The following HERC6 variants were observed in gnomAD, a reference collection of about 807,000 sequenced individuals.
HERC6 encodes the protein HECT and RLD domain containing E3 ubiquitin protein ligase family member 6.
In HERC6, 101 loss-of-function variants were observed where a neutral mutation model predicts 114.5. The ratio of observed to expected loss-of-function variants is 0.88; its 90% CI spans 0.75 to 1.04. HERC6 has a LOEUF of 1.04. HERC6 is among the 50% of genes least tolerant of loss of function. The pLI is 0.00. For missense variants in HERC6, 1,133 were observed against 1,230.9 expected (o/e 0.92, Z 1.19); for synonymous variants, 408 against 436.2 (o/e 0.94, Z 0.81).
chr4:88,408,375 T>C, intron 10 of HERC6, 149 bp from the exon 11 acceptor site: 1 of 662,390 alleles, frequency 1.5e-6, no homozygotes. Context: ...ACATTTTTTA[T>C]GTCAAGTAAG....
intron 8 of HERC6, among the ~76,000 whole-genome samples, chr4:88,402,133 T>C (rs1287717027): frequency 1.3e-5 from 2 of 152,204 alleles, no homozygotes; most frequent in South Asian, 2.1e-4. Flanking sequence ...CAAAAGAATC[T>C]TGGACTGCAG....
At chr4:88,379,685 C>CAAATATATATAATATAT (rs1560527772) in intron 1 of HERC6, among the ~76,000 whole-genome samples, 2 of 24,330 alleles carry the variant, frequency 8.2e-5, no homozygotes, top group African/African-American at 6.6e-4. Context: ...TAAATATATA[C>CAAATATATATAATATAT]AAATATATAA....
chr4:88,407,426 G>A (rs551691033), intron 10 of HERC6, among the ~76,000 whole-genome samples: 28 of 152,044 alleles, frequency 1.8e-4, no homozygotes, highest in African/African-American at 6.5e-4. Flanking sequence ...TTAGAGATGG[G>A]GTCTTGTGCT....
chr4:88,410,307 G>A (rs1197971671), intron 11 of HERC6, among the ~76,000 whole-genome samples: 2 of 152,156 alleles, frequency 1.3e-5, no homozygotes, highest in African/African-American at 2.4e-5. Flanking sequence ...TTAGGTAGAT[G>A]AGAGAAAAAT....
In HERC6 at chr4:88,440,193, C is replaced by G; in HGVS notation, c.2785C>G (p.Gln929Glu). The change falls in exon 22 of 23, where the codon CAG becomes GAG. Residue 929 changes from glutamine to glutamate, a missense_variant. Physicochemically the swap from Gln to Glu is conservative, Grantham distance 29. Around this residue, in one of 3 missense-constraint regions of HERC6, gnomAD observed 388 missense variants for 445.9 expected, o/e 0.87. Transcript: ENST00000264346. ...ATACCAAAAATCACATCCTACTATACAGTTGTTTTGGAAGGCTTTCCACAA... is the reference window on the plus strand; with the variant it reads ...ATACCAAAAATCACATCCTACTATAGAGTTGTTTTGGAAGGCTTTCCACAA... Reference protein sequence around the residue: ...QGYQKSHPTIQLFWKAFHKLT... With the variant: ...QGYQKSHPTIELFWKAFHKLT... 1 of 1,608,744 alleles carries G rather than the reference C, an allele frequency of 6.2e-7. No homozygotes were observed. Among genetic ancestry groups the G allele is most frequent in the Non-Finnish European group, 8.5e-7 (1 of 1,177,074 alleles).
At position 88,404,650 on chromosome 4, in the gene HERC6, T is replaced by A. The variant is rs189675752; in HGVS notation, c.1093-226T>A. On this transcript the variant is annotated intron_variant, in intron 8 of 22. Transcript: ENST00000264346. ...TATCTGTTTGAAGCCCTGCATTCACTTTTTTTTTTCTTTTTTAATGATGAA... is the reference window on the plus strand; with the variant it reads ...TATCTGTTTGAAGCCCTGCATTCACATTTTTTTTTCTTTTTTAATGATGAA... Among the ~76,000 whole-genome samples, 12 of 149,790 alleles carry A rather than the reference T, an allele frequency of 8.0e-5. 1 individual carries two copies. The East Asian group carries it at 2.3e-3, about 29-fold the overall frequency.
rs145619683 is a variant in HERC6 at position 88,396,835 on chromosome 4, A to G, written c.888-16A>G. On this transcript the variant is annotated splice_polypyrimidine_tract_variant and intron_variant, in intron 6 of 22. Coordinates refer to ENST00000264346, the MANE Select transcript of HERC6 (RefSeq NM_017912.4). ...AGTGCCTTAGTCTTCATTATGGTGT[A>G]TTCTCTTTCCTGTAGTTATCACACC... is the stretch of plus-strand genomic sequence containing the variant. The G allele has an allele frequency of 5.2e-6, 8 of 1,537,090 alleles. No homozygotes were observed. Among genetic ancestry groups the G allele is most frequent in the South Asian group, 2.5e-5 (2 of 80,428 alleles).
intron 11 of HERC6, among the ~76,000 whole-genome samples, chr4:88,411,444 C>G (rs1290877977): frequency 8.5e-5 from 13 of 152,092 alleles, no homozygotes; most frequent in Admixed American, 7.9e-4. Context: ...GGCATAACAC[C>G]TACTGGCATT....
intron 8 of HERC6, among the ~76,000 whole-genome samples, chr4:88,401,106 AG>A (rs1381336606): frequency 6.6e-6 from 1 of 152,208 alleles, no homozygotes; most frequent in African/African-American, 2.4e-5. Context: ...AGAGAATAAA[AG>A]GGGAACAAGT....
At chr4:88,393,460 C>T in intron 4 of HERC6, 28 bp from the exon 5 acceptor site, 1 of 1,417,934 alleles carries the variant, frequency 7.1e-7, no homozygotes, top group Non-Finnish European at 9.9e-7. Context: ...GTTTCTTATA[C>T]TCTAGAGATT....
chr4:88,441,749 C>T (rs1014421507), intron 22 of HERC6, among the ~76,000 whole-genome samples: 1 of 152,218 alleles, frequency 6.6e-6, no homozygotes, highest in South Asian at 2.1e-4. Context: ...TTCTAATCTT[C>T]TCTCTTAATG....
intron 16 of HERC6, among the ~76,000 whole-genome samples, chr4:88,429,535 A>G (rs1406872564): frequency 1.3e-5 from 2 of 152,170 alleles, no homozygotes; most frequent in East Asian, 3.9e-4. Context: ...GTGGGTGCTT[A>G]CAGGGTTTTT....
At chr4:88,392,165 C>T (rs1734958688) in intron 4 of HERC6, among the ~76,000 whole-genome samples, 1 of 140,080 alleles carries the variant, frequency 7.1e-6, no homozygotes, top group Non-Finnish European at 1.5e-5. Flanking sequence ...GTCCTCTTCC[C>T]TTCTCTTCTT....
intron 13 of HERC6, 70 bp from the exon 14 acceptor site, chr4:88,423,790 A>G: frequency 3.2e-6 from 2 of 616,882 alleles, no homozygotes; most frequent in East Asian, 3.3e-5. Flanking sequence ...CCATACATAT[A>G]TATCTATATA....
chr4:88,390,177 C>CAAAAA (rs1156777502), intron 3 of HERC6, among the ~76,000 whole-genome samples: 102 of 48,214 alleles, frequency 2.1e-3, no homozygotes, highest in African/African-American at 4.6e-3. Context: ...AACTCTGTAT[C>CAAAAA]AAAAAAAAAA....
At chr4:88,390,599 G>C (rs1356109335) in intron 3 of HERC6, 53 bp from the exon 4 acceptor site, 1 of 1,428,148 alleles carries the variant, frequency 7.0e-7, no homozygotes, top group Non-Finnish European at 9.4e-7. Flanking sequence ...GTTTCTATTT[G>C]AATTTGGTAT....
At position 88,431,301 on chromosome 4, in the gene HERC6, C is replaced by A; in HGVS notation, c.2246C>A (p.Ala749Asp). 1 of 1,588,532 alleles carries A rather than the reference C, an allele frequency of 6.3e-7. No homozygotes were observed. The highest frequency in any genetic ancestry group is 1.2e-5 in the South Asian group (1 of 85,122). ...PEMGSCMWFP[A>D]KPKPEKKRYF... is the part of the protein sequence containing the mutation. ...ATGGGTTCCTGCATGTGGTTTCCTG[C>A]CAAGGTAAGTCTTTTCTTTTTTTTT... The change falls in exon 17 of 23, where the codon GCC becomes GAC. Residue 749 changes from alanine to aspartate, a missense_variant. Ala to Asp is a moderately radical substitution (Grantham distance 126). Transcript: ENST00000264346.
At chr4:88,421,237 A>G (rs139223685) in intron 13 of HERC6, among the ~76,000 whole-genome samples, 1,666 of 152,264 alleles carry the variant, frequency 0.011, 11 homozygotes, top group Non-Finnish European at 0.016. Flanking sequence ...ATTATGAATA[A>G]TGCCGCTATT....
At chr4:88,388,028 A>G (rs1734676889) in intron 3 of HERC6, among the ~76,000 whole-genome samples, 1 of 152,276 alleles carries the variant, frequency 6.6e-6, no homozygotes, top group Non-Finnish European at 1.5e-5. Flanking sequence ...GTTAGAAATT[A>G]ACTTTAGAAG....
Sources: allele counts gnomAD v4.1 joint callset (sites outside exome capture counted in the v4.1 genomes callset), GRCh38; gene constraint gnomAD v4.1.1; regional missense constraint gnomAD v4.1.1; transcripts MANE v1.5; gene names NCBI Gene and HGNC (gene_info 2026-07-23, HGNC 2026-07-21).